SP140: variants seen among roughly 807,000 people sequenced by gnomAD.
SP140 encodes the protein SP140 nuclear body protein, also known as nuclear body protein SP140.
A neutral mutation model predicts 125.0 loss-of-function variants in SP140; 81 were observed. The ratio of observed to expected loss-of-function variants is 0.65; its 90% confidence interval spans 0.54 to 0.78. The LOEUF is 0.78. Among genes scored for constraint, SP140 ranks in the 30% least tolerant of loss-of-function variants. The pLI is 0.00. For missense variants in SP140, 858 were observed against 1,037.0 expected (o/e 0.83, Z 2.37); for synonymous variants, 312 against 354.0 (o/e 0.88, Z 1.33).
At chr2:230,198,091 T>TCTCTGTAGGACAATAGGACC in the SP140 span, among the ~76,000 whole-genome samples, 1 of 149,774 alleles carries the variant, frequency 6.7e-6, no homozygotes, top group Non-Finnish European at 1.5e-5. Context: ...CACATGAAGT[T>TCTCTGTAGGACAATAGGACC]CTCTGTAGGA....
upstream of SP140, among the ~76,000 whole-genome samples, chr2:230,224,515 C>T (rs1440559434): frequency 2.9e-5 from 4 of 139,976 alleles, no homozygotes; most frequent in East Asian, 8.2e-4. Context: ...AGAGAGAGGA[C>T]AGAGAGAGAG....
At chr2:230,198,705 CTG>C (rs983227844), upstream of SP140, among the ~76,000 whole-genome samples, 2 of 152,056 alleles carry the variant, frequency 1.3e-5, no homozygotes, top group Admixed American at 1.3e-4. Flanking sequence ...AGCAATTCTC[CTG>C]TCTCAGCCTC....
intron 12 of SP140, among the ~76,000 whole-genome samples, chr2:230,268,671 C>A (rs1288028089): frequency 6.6e-6 from 1 of 152,060 alleles, no homozygotes; most frequent in Non-Finnish European, 1.5e-5. Context: ...ATTGTATACC[C>A]ATGTTTAAAT....
chr2:230,296,703 C>T (rs562724855), intron 21 of SP140, among the ~76,000 whole-genome samples: 2 of 152,240 alleles, frequency 1.3e-5, no homozygotes, highest in South Asian at 4.2e-4. Context: ...CCTGTGGTCC[C>T]AGGAGGCTGT....
chr2:230,211,690 G>T lies in SP140; in HGVS notation c.-322-1964G>T. ...CCAAGGCCTGGGAAAGGATGGCATA[G>T]AGTGGGAAAGTAAGCAACCATTCAC... On this transcript the variant is annotated intron_variant, in intron 1 of 4. Transcript: ENST00000456542. The surrounding 1 kb of genome is among the most constrained non-coding windows in gnomAD (Gnocchi z 4.2). 1.5e-6 allele frequency: 1 copy of T among 682,912 alleles called. No homozygotes were observed. Among genetic ancestry groups the T allele is most frequent in the East Asian group, 2.7e-5 (1 of 37,354 alleles). 42.3% of individuals were successfully genotyped at this position (682,912 alleles called of 1,614,324 possible).
chr2:230,260,027 C>T (rs1479213328), intron 12 of SP140, among the ~76,000 whole-genome samples: 1 of 152,020 alleles, frequency 6.6e-6, no homozygotes, highest in Non-Finnish European at 1.5e-5. Context: ...CACTGTTTTC[C>T]ATAGCAGCTG....
At chr2:230,239,065 T>C in intron 3 of SP140, 1 of 1,393,526 alleles carries the variant, frequency 7.2e-7, no homozygotes, top group Non-Finnish European at 9.3e-7. Context: ...ATAAAGGGCA[T>C]TTAAACGGGA....
At position 230,310,044 on chromosome 2, in the gene SP140, G is replaced by C; in HGVS notation, c.2174+5G>C. 1 of 1,613,796 alleles carries C rather than the reference G, an allele frequency of 6.2e-7. No homozygotes were observed. The highest frequency in any genetic ancestry group is 1.7e-5 in the Admixed American group (1 of 60,020). ...CCCGCCTGTGGAAGCTGAGAGGTAA[G>C]TGACATGCAGGCGTCTCTCTTTTTG... On this transcript the variant is annotated splice_donor_5th_base_variant and intron_variant, in intron 23 of 26. Coordinates refer to ENST00000392045, the MANE Select transcript of SP140 (RefSeq NM_007237.5).
chr2:230,294,212 C>T, intron 20 of SP140, 59 bp from the exon 21 acceptor site: 2 of 1,421,770 alleles, frequency 1.4e-6, no homozygotes, highest in African/African-American at 1.4e-5. Context: ...GTTGGAAATG[C>T]CAGACTCACA....
intron 1 of SP140, among the ~76,000 whole-genome samples, chr2:230,229,523 A>AGTG (rs1382945444): frequency 8.2e-6 from 1 of 121,948 alleles, no homozygotes; most frequent in East Asian, 2.4e-4. Context: ...GCTGGAGTAC[A>AGTG]GTGGTGCAAT....
rs577503048 is a variant in SP140 at position 230,313,019 on chromosome 2, C to T, written c.*335C>T. 8.9e-4 allele frequency: 233 copies of T among 262,364 alleles called. 1 individual carries two copies. Among genetic ancestry groups the T allele is most frequent in the African/African-American group, 5.1e-3 (218 of 42,572 alleles). 16.3% of individuals were successfully genotyped at this position (262,364 alleles called of 1,614,324 possible). ...AGAAGACCTTTTGTCTGAAAACCAG[C>T]CAAGCTTTATTCAGGACACACTTCT... On this transcript the variant is annotated 3_prime_UTR_variant, in exon 27 of 27. Transcript: ENST00000392045.
the SP140 span, among the ~76,000 whole-genome samples, chr2:230,190,167 C>G: frequency 1.3e-5 from 2 of 152,206 alleles, no homozygotes; most frequent in Non-Finnish European, 2.9e-5. Flanking sequence ...TACACTCCCA[C>G]CAACAGTGTA....
At chr2:230,243,881 C>T (rs2049044953) in intron 5 of SP140, 70 bp downstream of exon 5, 1 of 1,074,356 alleles carries the variant, frequency 9.3e-7, no homozygotes. Flanking sequence ...GCTGGTGTTT[C>T]CTAATGCATT....
At chr2:230,203,225 G>A (rs1203537168) in exon 1 of SP140, 1 of 182,376 alleles carries the variant, frequency 5.5e-6, no homozygotes, top group Non-Finnish European at 1.2e-5. Flanking sequence ...CCATGAGGGA[G>A]AGATGGAAGG....
In SP140 at chr2:230,312,673, G is replaced by A. The variant is rs776860592; in HGVS notation, c.2593G>A (p.Gly865Arg). ...KEVFAIQETN[G>R]NN ...AGTGTTTGCTATTCAGGAAACAAAT[G>A]GGAACAATTGACTGGATTAGTGGAT... Residue 865 changes from glycine (G) to arginine (R), a missense_variant, in exon 27 of 27, where the codon GGG becomes AGG. This residue lies in a region of SP140 where 43 missense variants were observed against 35.1 expected (regional missense o/e 1.23). Coordinates refer to ENST00000392045, the MANE Select transcript of SP140 (RefSeq NM_007237.5). 54 of 1,607,176 alleles carry A rather than the reference G, an allele frequency of 3.4e-5. No individual in the cohort carries two copies. Among genetic ancestry groups the A allele is most frequent in the Non-Finnish European group, 4.5e-5 (53 of 1,174,352 alleles).
rs201395693 is a variant in SP140 at position 230,310,020 on chromosome 2, C to T, written c.2155C>T (p.Pro719Ser). 5.0e-6 allele frequency: 8 copies of T among 1,614,154 alleles called. No homozygotes were observed. In the East Asian group the frequency reaches 1.3e-4, roughly 27 times the overall value. The change falls in exon 23 of 27, where the codon CCG becomes TCG. Residue 719 changes from proline to serine, a missense_variant. Pro to Ser is a moderately conservative substitution (Grantham distance 74, BLOSUM62 -1). Coordinates refer to ENST00000392045, the MANE Select transcript of SP140 (RefSeq NM_007237.5). ...AGTCTTCCATGAGGACTGTCACATC[C>T]CGCCTGTGGAAGCTGAGAGGTAAGT... The part of the protein sequence containing the change: ...SRVFHEDCHI[P>S]PVEAERTPWN...
chr2:230,277,308 C>T (rs2054862635), intron 15 of SP140, among the ~76,000 whole-genome samples: 2 of 152,080 alleles, frequency 1.3e-5, no homozygotes, highest in Admixed American at 1.3e-4. Context: ...TTTCCACCAG[C>T]AAAGAGATTA....
At chr2:230,256,361 A>G (rs551486176) in intron 12 of SP140, among the ~76,000 whole-genome samples, 4 of 152,084 alleles carry the variant, frequency 2.6e-5, no homozygotes, top group African/African-American at 7.3e-5. Flanking sequence ...TGATGAGTCC[A>G]TGTCCTTTGT....
At position 230,244,984 on chromosome 2, in the gene SP140, C is replaced by T. The variant is rs1369979522; in HGVS notation, c.572-4C>T. ...TCTCATCACTGTGCCTTGTTTATTT[C>T]CAGGTTTCTCTTCAGAGTCTTGTGA... On this transcript the variant is annotated splice_region_variant and splice_polypyrimidine_tract_variant and intron_variant, in intron 5 of 26. Transcript: ENST00000392045. 1 of 1,608,458 alleles carries T rather than the reference C, an allele frequency of 6.2e-7. No individual in the cohort carries two copies. Among genetic ancestry groups the T allele is most frequent in the African/African-American group, 1.3e-5 (1 of 74,730 alleles).
Sources: allele counts gnomAD v4.1 joint callset (sites outside exome capture counted in the v4.1 genomes callset), GRCh38; gene constraint gnomAD v4.1.1; regional missense constraint gnomAD v4.1.1; non-coding constraint Gnocchi (gnomAD v3.1); transcripts MANE v1.5; gene names NCBI Gene and HGNC (gene_info 2026-07-23, HGNC 2026-07-21).